RCAN1: variants seen among roughly 807,000 people sequenced by gnomAD.
The protein encoded by RCAN1 is regulator of calcineurin 1.
RCAN1 carries 11 observed loss-of-function variants against 22.9 expected under a neutral mutation model. The observed-to-expected ratio is 0.48, with a 90% CI of 0.30 to 0.79. The LOEUF is 0.79. RCAN1 is among the 30% of genes least tolerant of loss of function. RCAN1 has a pLI of 0.06. For missense variants in RCAN1, 291 were observed against 337.8 expected, an observed-to-expected ratio of 0.86 and a Z score of 1.09; for synonymous variants, 136 against 142.3, an observed-to-expected ratio of 0.96 and a Z score of 0.32.
chr21:34,535,980 A>G (rs531956846), intron 1 of RCAN1, among the ~76,000 whole-genome samples: 35 of 152,264 alleles, frequency 2.3e-4, no homozygotes, highest in Middle Eastern at 6.8e-3. Context: ...GTACAAATGT[A>G]CATCTTAAGA....
chr21:34,575,471 T>C (rs1040752829), intron 1 of RCAN1, among the ~76,000 whole-genome samples: 26 of 152,184 alleles, frequency 1.7e-4, no homozygotes, highest in African/African-American at 5.3e-4. Flanking sequence ...GGAGAATTGA[T>C]GACTAGGGGT....
chr21:34,555,874 T>A (rs1473503026), intron 1 of RCAN1, among the ~76,000 whole-genome samples: 1 of 151,092 alleles, frequency 6.6e-6, no homozygotes. Context: ...CTATCCTGGC[T>A]AACACGATGA....
intron 1 of RCAN1, among the ~76,000 whole-genome samples, chr21:34,604,600 G>A (rs1374446620): frequency 6.6e-6 from 1 of 152,232 alleles, no homozygotes; most frequent in African/African-American, 2.4e-5. Flanking sequence ...GAAGCTGTGT[G>A]GAAGAGAACT....
At chr21:34,566,273 C>G (rs1987004072) in intron 1 of RCAN1, among the ~76,000 whole-genome samples, 1 of 152,152 alleles carries the variant, frequency 6.6e-6, no homozygotes, top group South Asian at 2.1e-4. Context: ...CTGTGCGAAC[C>G]CCAGACCCAC....
intron 1 of RCAN1, among the ~76,000 whole-genome samples, chr21:34,597,761 T>C (rs1229015721): frequency 6.6e-6 from 1 of 152,204 alleles, no homozygotes; most frequent in East Asian, 1.9e-4. Context: ...TATTTGCAGG[T>C]GATACGATTT....
intron 1 of RCAN1, among the ~76,000 whole-genome samples, chr21:34,549,677 T>C (rs1255559474): frequency 6.6e-6 from 1 of 152,158 alleles, no homozygotes; most frequent in Non-Finnish European, 1.5e-5. Context: ...GTCTCCAAGA[T>C]GGAGGACAAT....
intron 1 of RCAN1, among the ~76,000 whole-genome samples, chr21:34,554,798 A>G (rs1986493552): frequency 6.6e-6 from 1 of 152,240 alleles, no homozygotes. Context: ...CTGGGAAAGC[A>G]TCACTATCAT....
intron 1 of RCAN1, among the ~76,000 whole-genome samples, chr21:34,612,179 T>C (rs1387083030): frequency 6.6e-6 from 1 of 152,150 alleles, no homozygotes; most frequent in African/African-American, 2.4e-5. Flanking sequence ...GCTTCCTCTC[T>C]AGCCTACCCA....
At chr21:34,521,879 T>A (rs954786242) in intron 2 of RCAN1, 3 of 542,224 alleles carry the variant, frequency 5.5e-6, no homozygotes, top group African/African-American at 1.9e-5. Flanking sequence ...CTCCCAGGGC[T>A]ATGGGAGTCA....
At chr21:34,575,057 G>T (rs1459069042) in intron 1 of RCAN1, among the ~76,000 whole-genome samples, 1 of 152,240 alleles carries the variant, frequency 6.6e-6, no homozygotes, top group African/African-American at 2.4e-5. Context: ...ACTCACAACT[G>T]CAAAATGTGA....
At chr21:34,585,755 A>AC (rs1987771494) in intron 1 of RCAN1, among the ~76,000 whole-genome samples, 2 of 151,134 alleles carry the variant, frequency 1.3e-5, no homozygotes, top group Non-Finnish European at 3.0e-5. Flanking sequence ...AAAAAAAAAA[A>AC]AAAAAAAAAC....
At position 34,604,686 on chromosome 21, in the gene RCAN1, G is replaced by A. The variant is rs532086126; in HGVS notation, c.252+10074C>T. ...CTCTGATTTACCTTATGAGGGTGTG[G>A]GGAATGACAGGCAAGTGGGCTGTGA... On this transcript the variant is annotated intron_variant, in intron 1 of 3. Transcript: ENST00000313806. Among the ~76,000 whole-genome samples the A allele has an allele frequency of 7.9e-5, 12 of 152,316 alleles. No homozygotes were observed. The East Asian group carries it at 1.9e-3, about 25-fold the overall frequency.
chr21:34,562,166 T>C (rs1336345266), intron 1 of RCAN1, among the ~76,000 whole-genome samples: 1 of 152,210 alleles, frequency 6.6e-6, no homozygotes, highest in Non-Finnish European at 1.5e-5. Flanking sequence ...ACAATCATCT[T>C]GCTCCATTTC....
intron 1 of RCAN1, among the ~76,000 whole-genome samples, chr21:34,535,245 G>A (rs1190939844): frequency 1.3e-5 from 2 of 152,152 alleles, no homozygotes; most frequent in Non-Finnish European, 1.5e-5. Flanking sequence ...GAGAACAGAA[G>A]AACATTCTTC....
intron 1 of RCAN1, among the ~76,000 whole-genome samples, chr21:34,560,625 T>C (rs994608807): frequency 5.3e-5 from 8 of 152,222 alleles, no homozygotes; most frequent in Non-Finnish European, 8.8e-5. Flanking sequence ...TCTCAATTCT[T>C]TAATAATTTT....
intron 1 of RCAN1, among the ~76,000 whole-genome samples, chr21:34,579,823 A>C (rs576770189): frequency 1.1e-3 from 162 of 152,344 alleles, no homozygotes; most frequent in African/African-American, 3.8e-3. Flanking sequence ...TCCTCAGAAG[A>C]GGAGAGCGAC....
At chr21:34,546,690 A>T (rs201448343) in intron 1 of RCAN1, among the ~76,000 whole-genome samples, 1 of 152,214 alleles carries the variant, frequency 6.6e-6, no homozygotes. Context: ...GAAGACGCAA[A>T]CAACATCCAC....
rs1457429933 is a variant in RCAN1 at position 34,614,577 on chromosome 21, C to T, written c.252+183G>A. On this transcript the variant is annotated intron_variant, in intron 1 of 3. Transcript: ENST00000313806. This position sits in a 1 kb window ranked among gnomAD's most constrained non-coding sequence, Gnocchi z 6.0. Reference sequence around the variant, plus strand: ...GCGCGCCCCGGGGGTGCTAGGGGACCGGGACCCTCGGGGCGCCGTCCCCAC... The same window carrying T: ...GCGCGCCCCGGGGGTGCTAGGGGACTGGGACCCTCGGGGCGCCGTCCCCAC... The T allele has an allele frequency of 1.0e-6, 1 of 983,584 alleles. No homozygotes were observed. The allele number at this position is 983,584 out of a possible 1,614,324, so 60.9% of individuals were successfully genotyped here.
At chr21:34,541,826 C>T (rs1038008201) in intron 1 of RCAN1, among the ~76,000 whole-genome samples, 6 of 151,904 alleles carry the variant, frequency 3.9e-5, no homozygotes, top group African/African-American at 9.7e-5. Context: ...CCCAGCTACT[C>T]GGGAGGCTGA....
Sources: allele counts gnomAD v4.1 joint callset (sites outside exome capture counted in the v4.1 genomes callset), GRCh38; gene constraint gnomAD v4.1.1; non-coding constraint Gnocchi (gnomAD v3.1); transcripts MANE v1.5; gene names NCBI Gene and HGNC (gene_info 2026-07-23, HGNC 2026-07-21).